Variants in PIK3CB observed in about 807,000 individuals in gnomAD.
The protein encoded by PIK3CB is phosphatidylinositol-4,5-bisphosphate 3-kinase catalytic subunit beta.
A neutral mutation model predicts 136.8 loss-of-function variants in PIK3CB; 39 were observed. The observed-to-expected ratio is 0.29, with a 90% confidence interval of 0.22 to 0.37. The LOEUF is 0.37. Ranked by LOEUF, PIK3CB falls within the 10% of genes least tolerant of loss-of-function variation. The probability of loss-of-function intolerance (pLI) is 1.00; values close to 1 mark genes in which losing one functional copy is unlikely to be tolerated. For missense variants in PIK3CB, 868 were observed against 1,275.4 expected, an observed-to-expected ratio of 0.68 and a Z score of 4.87; for synonymous variants, 428 against 436.6, an observed-to-expected ratio of 0.98 and a Z score of 0.25.
At chr3:138,658,734 T>C (rs1378910060) in intron 21 of PIK3CB, among the ~76,000 whole-genome samples, 1 of 152,230 alleles carries the variant, frequency 6.6e-6, no homozygotes, top group East Asian at 1.9e-4. Context: ...GTGTTTTTAT[T>C]TTTCACATGT....
chr3:138,794,035 T>G (rs2046082606), intron 2 of PIK3CB, among the ~76,000 whole-genome samples: 1 of 152,206 alleles, frequency 6.6e-6, no homozygotes, highest in South Asian at 2.1e-4. Context: ...CGATCTCAGC[T>G]TACTGCAACC....
chr3:138,714,584 T>C lies in PIK3CB; in HGVS notation c.1186A>G (p.Arg396Gly). ...ACAGCAAAACATAATCGAGCCATTC[T>C]TGGTAAGTCACAAATATTAATATCA... Reference protein sequence around the residue: ...EFDINICDLPRMARLCFAVYA... With the variant: ...EFDINICDLPGMARLCFAVYA... The change falls in exon 9 of 24, where the codon AGA becomes GGA. Residue 396 changes from arginine (R) to glycine (G), a missense_variant. Physicochemically the swap from Arg to Gly is moderately radical, Grantham distance 125 (BLOSUM62 -2). This residue lies in a region of PIK3CB where 612 missense variants were observed against 801.1 expected (regional missense o/e 0.76). Coordinates refer to ENST00000674063, the MANE Select transcript of PIK3CB (RefSeq NM_006219.3). The C allele has an allele frequency of 1.2e-6, 2 of 1,613,894 alleles. No homozygotes were observed. Among genetic ancestry groups the C allele is most frequent in the Non-Finnish European group, 1.7e-6 (2 of 1,179,782 alleles).
At chr3:138,666,595 T>G (rs1241595169) in intron 19 of PIK3CB, among the ~76,000 whole-genome samples, 1 of 152,230 alleles carries the variant, frequency 6.6e-6, no homozygotes, top group Non-Finnish European at 1.5e-5. Context: ...ATATTACCTT[T>G]TTCTCATTTT....
chr3:138,806,023 C>T (rs1024169069), intron 1 of PIK3CB, among the ~76,000 whole-genome samples: 2 of 151,832 alleles, frequency 1.3e-5, no homozygotes, highest in Admixed American at 6.6e-5. Context: ...CCACCGCGCC[C>T]GGCCCCATCT....
In PIK3CB at chr3:138,689,071, T is replaced by A. The variant is rs56189529; in HGVS notation, c.2037-97A>T. ...CTTTATTCTACAAAAAATAAACTTA[T>A]GATGGCAAGGTCATTGTGTGCATTA... On this transcript the variant is annotated intron_variant, in intron 15 of 23. Coordinates refer to ENST00000674063, the MANE Select transcript of PIK3CB (RefSeq NM_006219.3). 1,598 of 732,582 alleles carry A rather than the reference T, an allele frequency of 2.2e-3. 22 individuals carry two copies. The African/African-American group carries it at 0.025, about 11-fold the overall frequency. The allele number at this position is 732,582 out of a possible 1,614,324, so 45.4% of individuals were successfully genotyped here. A position where few individuals can be genotyped will look rare whatever the true frequency, so the allele number is the denominator to read the frequency against.
chr3:138,776,455 C>T (rs748018468), intron 2 of PIK3CB, among the ~76,000 whole-genome samples: 3 of 151,748 alleles, frequency 2.0e-5, no homozygotes, highest in African/African-American at 7.3e-5. Context: ...TGTGAGAGGG[C>T]GAGGCAGAGG....
intron 14 of PIK3CB, among the ~76,000 whole-genome samples, chr3:138,693,730 A>G (rs991618612): frequency 6.6e-6 from 1 of 151,784 alleles, no homozygotes; most frequent in African/African-American, 2.4e-5. Flanking sequence ...AGCATGATAT[A>G]AACTAATGCA....
chr3:138,767,785 C>T (rs1270096227), intron 2 of PIK3CB, among the ~76,000 whole-genome samples: 1 of 152,170 alleles, frequency 6.6e-6, no homozygotes, highest in Non-Finnish European at 1.5e-5. Context: ...CCACAGCTGG[C>T]ACTGGGGGAC....
intron 1 of PIK3CB, among the ~76,000 whole-genome samples, chr3:138,813,527 C>T (rs1401788863): frequency 6.6e-6 from 1 of 151,252 alleles, no homozygotes; most frequent in African/African-American, 2.4e-5. Flanking sequence ...ACACCATTCT[C>T]CTGCCTCAGC....
Position 138,655,219 on chromosome 3 carries a change from G to A in PIK3CB, c.*170C>T, listed in dbSNP as rs764543379. The A allele has an allele frequency of 1.2e-4, 72 of 609,952 alleles. No homozygotes were observed. Among genetic ancestry groups the A allele is most frequent in the Non-Finnish European group, 1.4e-4 (50 of 350,506 alleles). 37.8% of individuals were successfully genotyped at this position (609,952 alleles called of 1,614,324 possible). On this transcript the variant is annotated 3_prime_UTR_variant, in exon 24 of 24. Coordinates refer to ENST00000674063, the MANE Select transcript of PIK3CB (RefSeq NM_006219.3). ...CATTCAAAAAGCAGAGGGAATCATC[G>A]GGGATTGTTCAGATTAGGTTCTGTG...
At chr3:138,813,279 C>T (rs573465900) in intron 1 of PIK3CB, among the ~76,000 whole-genome samples, 3 of 152,064 alleles carry the variant, frequency 2.0e-5, no homozygotes, top group Non-Finnish European at 4.4e-5. Context: ...ATGGTTCACC[C>T]AGAGAGTTAA....
At chr3:138,729,143 TGG>T (rs2044911252) in intron 8 of PIK3CB, among the ~76,000 whole-genome samples, 1 of 151,994 alleles carries the variant, frequency 6.6e-6, no homozygotes, top group African/African-American at 2.4e-5. Flanking sequence ...TAGCTGGGTG[TGG>T]TGGCAGGTGC....
chr3:138,762,063 A>G (rs548311520), intron 2 of PIK3CB, among the ~76,000 whole-genome samples: 65 of 151,972 alleles, frequency 4.3e-4, no homozygotes, highest in African/African-American at 1.5e-3. Context: ...CCTGACTGAC[A>G]TGGCGAAACC....
At position 138,712,081 on chromosome 3, in the gene PIK3CB, GAATA is replaced by G. The variant is rs761837485; in HGVS notation, c.1399+123_1399+126del. On this transcript the variant is annotated intron_variant, in intron 10 of 23. Coordinates refer to ENST00000674063, the MANE Select transcript of PIK3CB (RefSeq NM_006219.3). ...AAATAATTTGTGTAAATCTATTTTA[GAATA>G]AATAATACAAAATGATAATTTTATT... The G allele has an allele frequency of 1.9e-4, 90 of 461,640 alleles. No individual in the cohort carries two copies. The East Asian group carries it at 2.5e-3, about 13-fold the overall frequency. 28.6% of individuals were successfully genotyped at this position (461,640 alleles called of 1,614,324 possible). A position where few individuals can be genotyped will look rare whatever the true frequency, so the allele number is the denominator to read the frequency against.
At chr3:138,719,443 G>A (rs773937363) in intron 8 of PIK3CB, among the ~76,000 whole-genome samples, 16 of 151,710 alleles carry the variant, frequency 1.1e-4, no homozygotes, top group Middle Eastern at 3.4e-3. Flanking sequence ...ACAGGGTTTC[G>A]CCAAGTTGTC....
At chr3:138,776,445 T>C (rs1237304295) in intron 2 of PIK3CB, among the ~76,000 whole-genome samples, 1 of 152,170 alleles carries the variant, frequency 6.6e-6, no homozygotes, top group African/African-American at 2.4e-5. Flanking sequence ...ATTCGAGTAC[T>C]GTGAGAGGGC....
chr3:138,745,248 A>G (rs1236809600), intron 4 of PIK3CB, among the ~76,000 whole-genome samples: 2 of 152,044 alleles, frequency 1.3e-5, no homozygotes, highest in African/African-American at 4.8e-5. Context: ...GGGTAAGTAA[A>G]TCACTTTGAG....
chr3:138,756,769 A>G (rs888111635), intron 3 of PIK3CB, among the ~76,000 whole-genome samples: 1 of 152,194 alleles, frequency 6.6e-6, no homozygotes, highest in Non-Finnish European at 1.5e-5. Context: ...CAATAATAAT[A>G]ATGATAGGTA....
At chr3:138,829,895 T>C (rs1455932502) in intron 1 of PIK3CB, among the ~76,000 whole-genome samples, 1 of 152,040 alleles carries the variant, frequency 6.6e-6, no homozygotes, top group East Asian at 1.9e-4. Flanking sequence ...AATGAAGGTG[T>C]CATGTAGGCA....
Sources: allele counts gnomAD v4.1 joint callset (sites outside exome capture counted in the v4.1 genomes callset), GRCh38; gene constraint gnomAD v4.1.1; regional missense constraint gnomAD v4.1.1; transcripts MANE v1.5; gene names NCBI Gene and HGNC (gene_info 2026-07-23, HGNC 2026-07-21).